SCG3: variants seen among roughly 807,000 people sequenced by gnomAD.
The protein encoded by SCG3 is secretogranin-3.
Under a neutral mutation model 56.2 loss-of-function variants are expected in SCG3, and 38 were observed. That is an observed-to-expected ratio of 0.68 (90% CI 0.52 to 0.89). The LOEUF (loss-of-function observed/expected upper bound fraction) is 0.89. Ranked by LOEUF, SCG3 falls within the 40% of genes least tolerant of loss-of-function variation. The probability of loss-of-function intolerance (pLI) is 0.00; values close to 1 mark genes in which losing one functional copy is unlikely to be tolerated. For missense variants in SCG3, 524 were observed against 540.7 expected, an observed-to-expected ratio of 0.97 and a Z score of 0.31; for synonymous variants, 176 against 184.2, an observed-to-expected ratio of 0.96 and a Z score of 0.36.
At chr15:51,691,605 T>C (rs2141563393) in intron 6 of SCG3, among the ~76,000 whole-genome samples, 1 of 152,260 alleles carries the variant, frequency 6.6e-6, no homozygotes, top group East Asian at 1.9e-4. Flanking sequence ...TCTATCTAGT[T>C]CACTGAATGG....
rs2055433329 is a variant in SCG3 at position 51,713,400 on chromosome 15, G to C, written c.1275G>C (p.Lys425Asn). 3 of 1,600,230 alleles carry C rather than the reference G, an allele frequency of 1.9e-6. No homozygotes were observed. Among genetic ancestry groups the C allele is most frequent in the Non-Finnish European group, 8.5e-7 (1 of 1,173,354 alleles). The stretch of plus-strand genomic sequence containing the variant: ...AATGGTTGAAGAAACATGACAAAAA[G>C]GGAAATAAAGAAGGTAGGACCAAGT... ...NIEWLKKHDK[K>N]GNKEDYDLSK... is the part of the protein sequence containing the mutation. Residue 425 changes from lysine to asparagine, a missense_variant, in exon 11 of 12, where the codon AAG (lysine) becomes AAC (asparagine). Physicochemically the swap from Lys to Asn is moderately conservative, Grantham distance 94. Coordinates refer to ENST00000220478, the MANE Select transcript of SCG3 (RefSeq NM_013243.4).
intron 8 of SCG3, among the ~76,000 whole-genome samples, chr15:51,698,237 T>C (rs756166840): frequency 6.6e-6 from 1 of 152,206 alleles, no homozygotes; most frequent in Non-Finnish European, 1.5e-5. Context: ...TTTTTGAGAA[T>C]GGCAGAAAAG....
At chr15:51,715,653 T>C (rs1595842778) in intron 11 of SCG3, among the ~76,000 whole-genome samples, 1 of 152,224 alleles carries the variant, frequency 6.6e-6, no homozygotes, top group Admixed American at 6.5e-5. Flanking sequence ...AGATGGCTAC[T>C]GGCTTATGTC....
chr15:51,711,080 G>A (rs551506148), intron 10 of SCG3, among the ~76,000 whole-genome samples: 10 of 152,290 alleles, frequency 6.6e-5, no homozygotes, highest in Admixed American at 3.3e-4. Flanking sequence ...CAGCATGGGC[G>A]ACTAGAGCTC....
intron 7 of SCG3, chr15:51,694,079 C>A (rs914018759): frequency 2.0e-5 from 3 of 152,126 alleles, no homozygotes; most frequent in Non-Finnish European, 4.4e-5. Context: ...ATAAAATGTT[C>A]CTTACTTGTT....
At chr15:51,686,228 C>T (rs1048998577) in intron 4 of SCG3, among the ~76,000 whole-genome samples, 1 of 152,188 alleles carries the variant, frequency 6.6e-6, no homozygotes, top group Non-Finnish European at 1.5e-5. Context: ...TCATACTATC[C>T]ATTTTAGAAT....
chr15:51,691,276 G>A (rs2055265445), intron 6 of SCG3, among the ~76,000 whole-genome samples: 1 of 152,218 alleles, frequency 6.6e-6, no homozygotes, highest in Non-Finnish European at 1.5e-5. Flanking sequence ...CGCCTTATGA[G>A]CCATGGATGG....
At chr15:51,689,174 G>C in intron 5 of SCG3, 45 bp from the exon 6 acceptor site, 5 of 1,580,460 alleles carry the variant, frequency 3.2e-6, no homozygotes, top group Non-Finnish European at 4.3e-6. Context: ...TTAATAACAA[G>C]ACTGGGAATA....
intron 9 of SCG3, 38 bp downstream of exon 9, chr15:51,699,440 A>G (rs2055325915): frequency 2.3e-6 from 3 of 1,305,300 alleles, no homozygotes; most frequent in Middle Eastern, 1.9e-4. Flanking sequence ...CTTTAGAATA[A>G]TAACCCTTTT....
intron 9 of SCG3, among the ~76,000 whole-genome samples, chr15:51,700,212 A>G (rs1421152872): frequency 6.6e-6 from 1 of 152,134 alleles, no homozygotes; most frequent in Admixed American, 6.5e-5. Flanking sequence ...AAATTGTACC[A>G]CAACTGTGAA....
At chr15:51,696,026 G>A (rs1450266819) in intron 8 of SCG3, 35 bp downstream of exon 8, 1 of 1,217,104 alleles carries the variant, frequency 8.2e-7, no homozygotes, top group Non-Finnish European at 1.2e-6. Flanking sequence ...TACTGTGGTG[G>A]TTTTCATTGT....
chr15:51,687,939 C>A (rs1002021302), intron 4 of SCG3, among the ~76,000 whole-genome samples: 1 of 152,038 alleles, frequency 6.6e-6, no homozygotes, highest in African/African-American at 2.4e-5. Flanking sequence ...ATAAATATGG[C>A]ATACTATGTT....
chr15:51,715,897 G>A (rs577724033), intron 11 of SCG3, among the ~76,000 whole-genome samples: 36 of 150,192 alleles, frequency 2.4e-4, no homozygotes, highest in Middle Eastern at 3.4e-3. Context: ...TCGCTCTGTC[G>A]CCCAGGCTGG....
At chr15:51,685,217 C>G (rs902582382) in intron 4 of SCG3, among the ~76,000 whole-genome samples, 1 of 152,172 alleles carries the variant, frequency 6.6e-6, no homozygotes, top group Non-Finnish European at 1.5e-5. Context: ...TTGAATTCGA[C>G]TTTTTTACCT....
chr15:51,715,913 A>G (rs1276523343), intron 11 of SCG3, among the ~76,000 whole-genome samples: 1 of 150,914 alleles, frequency 6.6e-6, no homozygotes, highest in Non-Finnish European at 1.5e-5. Flanking sequence ...GCTGGAGTGC[A>G]GTGGCACGGT....
chr15:51,685,213 T>C (rs951024994), intron 4 of SCG3, among the ~76,000 whole-genome samples: 7 of 152,224 alleles, frequency 4.6e-5, no homozygotes, highest in East Asian at 1.9e-4. Context: ...AATCTTGAAT[T>C]CGACTTTTTT....
In SCG3 at chr15:51,709,887, A is replaced by ATTT. The variant is rs67775073; in HGVS notation, c.1208-3426_1208-3424dup. On this transcript the variant is annotated intron_variant, in intron 10 of 11. Coordinates refer to ENST00000220478, the MANE Select transcript of SCG3 (RefSeq NM_013243.4). ...AGGTGCCCACCAACACGCCCGGCTA[A>ATTT]TTTTTTTTTTTTTTTTTTTTTTGTA... 5.8e-4 allele frequency among the ~76,000 whole-genome samples: 49 copies of ATTT among 84,812 alleles called. No individual in the cohort carries two copies. The East Asian group carries it at 5.8e-3, about 10-fold the overall frequency. The allele number at this position is 84,812 out of a possible 152,430, so 55.6% of individuals were successfully genotyped here.
chr15:51,704,244 C>CATACATATATATATATATAT (rs751546589), intron 10 of SCG3, among the ~76,000 whole-genome samples: 180 of 73,568 alleles, frequency 2.4e-3, no homozygotes, highest in East Asian at 4.7e-3. Context: ...TACATACATA[C>CATACATATATATATATATAT]ATATATATAT....
rs1223448104 is a variant in SCG3, at chr15:51,689,226, A to G, written c.548A>G (p.Glu183Gly). 2 of 1,613,572 alleles carry G rather than the reference A, an allele frequency of 1.2e-6. No homozygotes were observed. Among genetic ancestry groups the G allele is most frequent in the Admixed American group, 1.7e-5 (1 of 59,944 alleles). ...TTTGCCTTTTTATGATAGATCACAG[A>G]AAGCCAAGCACATACACTGGAAGAT... ...SKLLNLGLIT[E>G]SQAHTLEDEV... Residue 183 changes from glutamate (E) to glycine (G), a missense_variant, in exon 6 of 12, where the codon GAA becomes GGA. Physicochemically the swap from Glu to Gly is moderately conservative, Grantham distance 98 (BLOSUM62 -2). Transcript: ENST00000220478.
Sources: allele counts gnomAD v4.1 joint callset (sites outside exome capture counted in the v4.1 genomes callset), GRCh38; gene constraint gnomAD v4.1.1; transcripts MANE v1.5; gene names NCBI Gene and HGNC (gene_info 2026-07-23, HGNC 2026-07-21).